STAG1: variants seen among roughly 807,000 people sequenced by gnomAD.
STAG1 encodes STAG1 cohesin complex component.
Under a neutral mutation model 170.9 loss-of-function variants are expected in STAG1, and 26 were observed. The ratio of observed to expected loss-of-function variants is 0.15; its 90% CI spans 0.11 to 0.21. The LOEUF is 0.21. Among genes scored for constraint, STAG1 ranks in the 10% least tolerant of loss-of-function variants. The probability of loss-of-function intolerance (pLI) is 1.00; values close to 1 mark genes in which losing one functional copy is unlikely to be tolerated. For synonymous variants in STAG1, 514 were observed against 497.7 expected (o/e 1.03, Z -0.44); for missense variants, 964 against 1,509.5 (o/e 0.64, Z 5.99).
At chr3:136,744,120 G>A (rs553120112) in intron 1 of STAG1, among the ~76,000 whole-genome samples, 4 of 152,342 alleles carry the variant, frequency 2.6e-5, no homozygotes, top group African/African-American at 4.8e-5. Context: ...CTGAAGTCAG[G>A]AGTTCTAGAC....
At chr3:136,550,856 TTTGTCTGATGCTTTTCTCA>T (rs1936352314) in intron 5 of STAG1, among the ~76,000 whole-genome samples, 1 of 152,192 alleles carries the variant, frequency 6.6e-6, no homozygotes, top group African/African-American at 2.4e-5. Flanking sequence ...TGTCTTTCGA[TTTGTCTGATGCTTTTCTCA>T]CGGTTAGACA....
chr3:136,458,009 T>A (rs1402212876), intron 13 of STAG1, among the ~76,000 whole-genome samples: 4 of 152,216 alleles, frequency 2.6e-5, no homozygotes, highest in African/African-American at 9.6e-5. Context: ...GCAAAATTTT[T>A]AAAATGTAAA....
At chr3:136,477,057 G>A (rs534001510) in intron 10 of STAG1, among the ~76,000 whole-genome samples, 2 of 152,118 alleles carry the variant, frequency 1.3e-5, no homozygotes, top group Non-Finnish European at 2.9e-5. Context: ...ATACCAGGTT[G>A]TCAAACTTGG....
intron 1 of STAG1, among the ~76,000 whole-genome samples, chr3:136,692,588 T>C (rs1015717210): frequency 1.3e-5 from 2 of 151,788 alleles, no homozygotes; most frequent in African/African-American, 4.8e-5. Context: ...CAAGCCAAGA[T>C]CGTGCCACTG....
chr3:136,699,027 CG>C (rs1942974683), intron 1 of STAG1, among the ~76,000 whole-genome samples: 1 of 151,874 alleles, frequency 6.6e-6, no homozygotes, highest in African/African-American at 2.4e-5. Flanking sequence ...GACATAAAGG[CG>C]TAAGAATGAT....
intron 16 of STAG1, among the ~76,000 whole-genome samples, chr3:136,426,259 A>AT (rs1304488873): frequency 6.6e-6 from 1 of 151,992 alleles, no homozygotes; most frequent in East Asian, 1.9e-4. Flanking sequence ...TACAAAAAAA[A>AT]ATTAGCTGCG....
intron 5 of STAG1, among the ~76,000 whole-genome samples, chr3:136,562,707 C>G (rs112481784): frequency 4.6e-5 from 7 of 152,112 alleles, no homozygotes; most frequent in Non-Finnish European, 8.8e-5. Flanking sequence ...CCTGCCTCAG[C>G]CTCCCAAGTA....
At chr3:136,452,819 T>C (rs188698754) in intron 13 of STAG1, among the ~76,000 whole-genome samples, 23 of 152,258 alleles carry the variant, frequency 1.5e-4, no homozygotes, top group Admixed American at 1.1e-3. Flanking sequence ...AGACAGAGTC[T>C]CGCTCTGTCA....
At chr3:136,538,206 C>A (rs1219611211) in intron 6 of STAG1, among the ~76,000 whole-genome samples, 1 of 151,928 alleles carries the variant, frequency 6.6e-6, no homozygotes, top group South Asian at 2.1e-4. Context: ...AATGATAGCG[C>A]AATACTATAT....
chr3:136,451,296 T>A (rs1339752382), intron 14 of STAG1, among the ~76,000 whole-genome samples: 2 of 152,184 alleles, frequency 1.3e-5, no homozygotes, highest in Non-Finnish European at 2.9e-5. Flanking sequence ...ATGGAAATAT[T>A]GCTATGAGGC....
chr3:136,717,322 T>TA (rs2107925626), intron 1 of STAG1, among the ~76,000 whole-genome samples: 1 of 152,326 alleles, frequency 6.6e-6, no homozygotes, highest in South Asian at 2.1e-4. Flanking sequence ...TAAACAGTTA[T>TA]TGATTTTGGT....
At position 136,338,350 on chromosome 3, in the gene STAG1, A is replaced by G; in HGVS notation, c.3753+20T>C. ...GACCCAGGAACCATAAATAAAAAGC[A>G]GTAATAATTTGACATTTACTGAATC... On this transcript the variant is annotated intron_variant, in intron 33 of 33. Coordinates refer to ENST00000383202, the MANE Select transcript of STAG1 (RefSeq NM_005862.3). 6.2e-7 allele frequency: 1 copy of G among 1,601,554 alleles called. No individual in the cohort carries two copies.
At chr3:136,523,515 T>C (rs1048289179) in intron 6 of STAG1, among the ~76,000 whole-genome samples, 2 of 151,862 alleles carry the variant, frequency 1.3e-5, no homozygotes, top group African/African-American at 2.4e-5. Context: ...ATTCTGTAGG[T>C]TGCAAAAATC....
At chr3:136,724,166 A>G (rs61790808) in intron 1 of STAG1, among the ~76,000 whole-genome samples, 59,102 of 149,220 alleles carry the variant, frequency 0.4, 12,553 homozygotes, top group African/African-American at 0.57. Flanking sequence ...AGAGGAGGGG[A>G]GAAAGGCGGG....
At chr3:136,745,084 T>C (rs1263287955) in intron 1 of STAG1, among the ~76,000 whole-genome samples, 1 of 152,230 alleles carries the variant, frequency 6.6e-6, no homozygotes, top group Non-Finnish European at 1.5e-5. Context: ...TGTGTGTGTT[T>C]GTACTAGGCT....
intron 1 of STAG1, among the ~76,000 whole-genome samples, chr3:136,685,758 T>C (rs1942501209): frequency 6.6e-6 from 1 of 152,118 alleles, no homozygotes; most frequent in Admixed American, 6.5e-5. Flanking sequence ...AGTAAAAAGA[T>C]CCATGACTGC....
intron 29 of STAG1, among the ~76,000 whole-genome samples, chr3:136,346,206 T>C (rs944400460): frequency 2.0e-5 from 3 of 152,234 alleles, no homozygotes; most frequent in Admixed American, 1.3e-4. Flanking sequence ...TTCTGTTCTC[T>C]ATCTGCACTC....
chr3:136,361,174 T>C (rs1321084347), intron 26 of STAG1, among the ~76,000 whole-genome samples: 1 of 152,214 alleles, frequency 6.6e-6, no homozygotes, highest in Non-Finnish European at 1.5e-5. Flanking sequence ...TCTAGATCAG[T>C]GTAGACATAT....
chr3:136,750,283 G>A (rs896245567), intron 1 of STAG1, among the ~76,000 whole-genome samples: 1 of 152,088 alleles, frequency 6.6e-6, no homozygotes, highest in Non-Finnish European at 1.5e-5. Context: ...AGAGTAGCTG[G>A]AACTACAGGA....
Sources: allele counts gnomAD v4.1 joint callset (sites outside exome capture counted in the v4.1 genomes callset), GRCh38; gene constraint gnomAD v4.1.1; transcripts MANE v1.5; gene names NCBI Gene and HGNC (gene_info 2026-07-23, HGNC 2026-07-21).